Variants in ATF3 observed in about 807,000 individuals in gnomAD.
ATF3 encodes activating transcription factor 3, also known as cyclic AMP-dependent transcription factor ATF-3.
A neutral mutation model predicts 18.4 loss-of-function variants in ATF3; 10 were observed. The observed-to-expected ratio is 0.54, with a 90% CI of 0.34 to 0.92. The LOEUF (loss-of-function observed/expected upper bound fraction) is 0.92. Ranked by LOEUF, ATF3 falls within the 40% of genes least tolerant of loss-of-function variation. The probability of loss-of-function intolerance (pLI) is 0.02; values close to 1 mark genes in which losing one functional copy is unlikely to be tolerated. For missense variants in ATF3, 183 were observed against 222.3 expected (o/e 0.82, Z 1.12); for synonymous variants, 78 against 87.9 (o/e 0.89, Z 0.63).
In ATF3 at chr1:212,599,242, C is replaced by T. The variant is rs144909282; in HGVS notation, c.-4-15776C>T. Among the ~76,000 whole-genome samples, 240 of 152,294 alleles carry T rather than the reference C, an allele frequency of 1.6e-3. 1 individual carries two copies. The highest frequency in any genetic ancestry group is 0.014 in the Middle Eastern group (4 of 294). ...TAAGTTGTAATCTCTTTGTGAATATCTTTTAAAATAGTGGCATAGCACTGA... is the reference window on the plus strand; with the variant it reads ...TAAGTTGTAATCTCTTTGTGAATATTTTTTAAAATAGTGGCATAGCACTGA... On this transcript the variant is annotated intron_variant, in intron 1 of 3. Coordinates refer to the ATF3 transcript ENST00000366981.
At chr1:212,579,200 CG>C (rs1558226222) in intron 1 of ATF3, among the ~76,000 whole-genome samples, 2 of 151,690 alleles carry the variant, frequency 1.3e-5, no homozygotes, top group African/African-American at 4.8e-5. Context: ...TTAGTAGAGA[CG>C]GGGTTTCACC....
chr1:212,588,675 C>A (rs537493963), intron 1 of ATF3, among the ~76,000 whole-genome samples: 1 of 152,270 alleles, frequency 6.6e-6, no homozygotes, highest in African/African-American at 2.4e-5. Flanking sequence ...CATGCAACCC[C>A]ACACCTGATT....
intron 1 of ATF3, among the ~76,000 whole-genome samples, chr1:212,591,999 G>A (rs544048949): frequency 6.6e-6 from 1 of 152,210 alleles, no homozygotes; most frequent in East Asian, 1.9e-4. Context: ...GCGGTACAAA[G>A]TACATAACAT....
chr1:212,619,684 C>A lies in ATF3; in HGVS notation c.*129C>A, dbSNP rs748543188. The stretch of plus-strand genomic sequence containing the variant: ...TCCCAGCAGCAGAGAACCATCAAGG[C>A]GGGAGGGCCTGCAGTGATTCAGCAG... On this transcript the variant is annotated 3_prime_UTR_variant, in exon 4 of 4. Coordinates refer to ENST00000341491, the MANE Select transcript of ATF3 (RefSeq NM_001674.4). The surrounding 1 kb of genome is among the most constrained non-coding windows in gnomAD (Gnocchi z 4.4). 21 of 1,329,254 alleles carry A rather than the reference C, an allele frequency of 1.6e-5. No homozygotes were observed. The highest frequency in any genetic ancestry group is 2.2e-5 in the Non-Finnish European group (21 of 958,948). The allele number at this position is 1,329,254 out of a possible 1,614,324, so 82.3% of individuals were successfully genotyped here. A position where few individuals can be genotyped will look rare whatever the true frequency, so the allele number is the denominator to read the frequency against.
intron 1 of ATF3, 108 bp from the exon 2 acceptor site, chr1:212,614,910 C>A: frequency 6.2e-7 from 1 of 1,600,280 alleles, no homozygotes; most frequent in Non-Finnish European, 8.5e-7. Context: ...GCTTATGGGA[C>A]TTTTCTCTGA....
chr1:212,566,796 G>T (rs931562566), intron 1 of ATF3, among the ~76,000 whole-genome samples: 1 of 152,160 alleles, frequency 6.6e-6, no homozygotes, highest in African/African-American at 2.4e-5. Flanking sequence ...CCTGAAAATT[G>T]AGCAGCCTCC....
chr1:212,594,706 CTG>C (rs1202730128), intron 1 of ATF3, among the ~76,000 whole-genome samples: 1 of 152,204 alleles, frequency 6.6e-6, no homozygotes, highest in Non-Finnish European at 1.5e-5. Context: ...AATCTCCAGT[CTG>C]TAAAATGGAG....
intron 1 of ATF3, among the ~76,000 whole-genome samples, chr1:212,593,743 TAAAAAAAAAA>T (rs58956572): frequency 8.7e-6 from 1 of 115,402 alleles, no homozygotes; most frequent in Non-Finnish European, 1.7e-5. Flanking sequence ...CCTGTCTCTT[TAAAAAAAAAA>T]AAAAAAAAAA....
At position 212,588,040 on chromosome 1, in the gene ATF3, G is replaced by A. The variant is rs181314665; in HGVS notation, c.-5+22557G>A. The stretch of plus-strand genomic sequence containing the variant: ...GCGATTATGGGAGGTGAGTGAGAGG[G>A]AGAATGTTGAGACCAGGGAAAATTA... On this transcript the variant is annotated intron_variant, in intron 1 of 3. Coordinates refer to the ATF3 transcript ENST00000366981. Among the ~76,000 whole-genome samples the A allele has an allele frequency of 9.2e-5, 14 of 152,172 alleles. No individual in the cohort carries two copies. The East Asian group carries it at 2.7e-3, about 29-fold the overall frequency.
chr1:212,577,723 A>G (rs113533725), intron 1 of ATF3, among the ~76,000 whole-genome samples: 2,374 of 152,318 alleles, frequency 0.016, 55 homozygotes, highest in African/African-American at 0.052. Flanking sequence ...AATGTCCTCC[A>G]GATTCATCCA....
intron 1 of ATF3, among the ~76,000 whole-genome samples, chr1:212,596,277 G>C (rs1339550777): frequency 1.3e-5 from 2 of 152,144 alleles, no homozygotes; most frequent in African/African-American, 2.4e-5. Flanking sequence ...TAACATAAGT[G>C]CCTACTGATC....
intron 1 of ATF3, among the ~76,000 whole-genome samples, chr1:212,583,073 G>A (rs984008486): frequency 1.3e-5 from 2 of 152,174 alleles, no homozygotes; most frequent in African/African-American, 2.4e-5. Flanking sequence ...GGAGAGCATA[G>A]GCTGTCATGG....
chr1:212,618,783 T>A lies in ATF3; in HGVS notation c.348+549T>A. ...CCTGAGAGACACTAGGGGAAATAGCTTTTGTGGGCAAGCAGGGTGGCCGGT... is the reference window on the plus strand; with the variant it reads ...CCTGAGAGACACTAGGGGAAATAGCATTTGTGGGCAAGCAGGGTGGCCGGT... On this transcript the variant is annotated intron_variant, in intron 3 of 3. Coordinates refer to ENST00000341491, the MANE Select transcript of ATF3 (RefSeq NM_001674.4). The surrounding 1 kb of genome is among the most constrained non-coding windows in gnomAD (Gnocchi z 4.4). 1 of 556,790 alleles carries A rather than the reference T, an allele frequency of 1.8e-6. No homozygotes were observed. The highest frequency in any genetic ancestry group is 3.2e-6 in the Non-Finnish European group (1 of 311,834). 34.5% of individuals were successfully genotyped at this position (556,790 alleles called of 1,614,324 possible).
At chr1:212,582,450 A>G (rs1180790008) in intron 1 of ATF3, among the ~76,000 whole-genome samples, 1 of 152,234 alleles carries the variant, frequency 6.6e-6, no homozygotes, top group Admixed American at 6.5e-5. Flanking sequence ...GAACTTCTCC[A>G]AGGGGAGGGC....
In ATF3 at chr1:212,615,136, C is replaced by A. The variant is rs1210489009; in HGVS notation, c.115C>A (p.Pro39Thr). 1 of 1,614,194 alleles carries A rather than the reference C, an allele frequency of 6.2e-7. No individual in the cohort carries two copies. Among genetic ancestry groups the A allele is most frequent in the Non-Finnish European group, 8.5e-7 (1 of 1,180,032 alleles). Reference protein sequence around the residue: ...LVFEDFANLTPFVKEELRFAI... With the variant: ...LVFEDFANLTTFVKEELRFAI... ...GTTTGAGGATTTTGCTAACCTGACG[C>A]CCTTTGTCAAGGAAGAGCTGAGGTT... Residue 39 changes from proline (P) to threonine (T), a missense_variant, in exon 2 of 4, where the codon CCC becomes ACC. Physicochemically the swap from Pro to Thr is conservative, Grantham distance 38. Coordinates refer to ENST00000341491, the MANE Select transcript of ATF3 (RefSeq NM_001674.4).
intron 1 of ATF3, among the ~76,000 whole-genome samples, chr1:212,612,055 C>T (rs1234944059): frequency 3.9e-5 from 6 of 152,174 alleles, no homozygotes; most frequent in Non-Finnish European, 8.8e-5. Context: ...AATCATACCT[C>T]GAGAGACTGA....
At chr1:212,606,448 C>A (rs933782507), upstream of ATF3, among the ~76,000 whole-genome samples, 5 of 152,192 alleles carry the variant, frequency 3.3e-5, no homozygotes, top group African/African-American at 9.7e-5. Flanking sequence ...TAAGAATAAC[C>A]CGACCGGGGT....
intron 1 of ATF3, among the ~76,000 whole-genome samples, chr1:212,609,281 C>T (rs1403480831): frequency 7.3e-6 from 1 of 137,360 alleles, no homozygotes; most frequent in Non-Finnish European, 1.5e-5. Flanking sequence ...GGTGGGTGGG[C>T]GGGTGCGTTG....
chr1:212,603,931 CTG>C (rs1262721920), upstream of ATF3, among the ~76,000 whole-genome samples: 1 of 152,038 alleles, frequency 6.6e-6, no homozygotes, highest in Admixed American at 6.5e-5. Flanking sequence ...AAAATCATAA[CTG>C]TATTTTAAAA....
Sources: gnomAD v4.1 joint callset for allele counts (sites outside exome capture counted in the v4.1 genomes callset) on GRCh38, gnomAD v4.1.1 for gene constraint, Gnocchi (gnomAD v3.1) non-coding constraint, MANE v1.5 for transcripts, NCBI Gene and HGNC (gene_info 2026-07-23, HGNC 2026-07-21) for gene names.